The following CEP290 variants were observed in gnomAD, a reference collection of about 807,000 sequenced individuals.
The protein encoded by CEP290 is centrosomal protein of 290 kDa.
Under a neutral mutation model 344.9 loss-of-function variants are expected in CEP290, and 317 were observed. The ratio of observed to expected loss-of-function variants is 0.92; its 90% CI spans 0.84 to 1.01. CEP290 has a LOEUF of 1.01. Ranked by LOEUF, CEP290 falls within the 50% of genes least tolerant of loss-of-function variation. CEP290 has a pLI of 0.00. For synonymous variants in CEP290, 932 were observed against 895.8 expected, an observed-to-expected ratio of 1.04 and a Z score of -0.72; for missense variants, 2,754 against 2,761.4, an observed-to-expected ratio of 1.00 and a Z score of 0.06.
rs750784497 is a variant in CEP290 at position 88,049,156 on chromosome 12, TAAATG to T, written c.*23_*27del. The T allele has an allele frequency of 1.3e-5, 18 of 1,353,400 alleles. No homozygotes were observed. Among genetic ancestry groups the T allele is most frequent in the East Asian group, 4.6e-5 (2 of 43,060 alleles). The allele number at this position is 1,353,400 out of a possible 1,614,324, so 83.8% of individuals were successfully genotyped here. On this transcript the variant is annotated 3_prime_UTR_variant, in exon 54 of 54. Coordinates refer to ENST00000552810, the MANE Select transcript of CEP290 (RefSeq NM_025114.4). ...TTAACTTATAAAGTTAATAAATAGT[TAAATG>T]AAACAAAGTTTATAGGTGACCTTTA...
chr12:88,136,230 C>G (rs552679631), intron 6 of CEP290: 1 of 170,128 alleles, frequency 5.9e-6, no homozygotes, highest in Non-Finnish European at 1.2e-5. Context: ...TTGAATATAT[C>G]GAAAGATTCA....
rs2039105849 is a variant in CEP290 at position 88,117,166 on chromosome 12, A to C, written c.1712-21T>G. 3 of 1,172,732 alleles carry C rather than the reference A, an allele frequency of 2.6e-6. No homozygotes were observed. The East Asian group carries it at 7.9e-5, about 31-fold the overall frequency. The allele number at this position is 1,172,732 out of a possible 1,614,324, so 72.6% of individuals were successfully genotyped here. The stretch of plus-strand genomic sequence containing the variant: ...TAATCCTATATATAAGAGAATTAAC[A>C]AACTAAAAACATTAAAATAACCCTC... On this transcript the variant is annotated intron_variant, in intron 17 of 53. Coordinates refer to ENST00000552810, the MANE Select transcript of CEP290 (RefSeq NM_025114.4).
At position 88,109,176 on chromosome 12, in the gene CEP290, T is replaced by G. The variant is rs760126835; in HGVS notation, c.2373A>C (p.Leu791=). The G allele has an allele frequency of 1.8e-6, 2 of 1,122,204 alleles. No homozygotes were observed. The highest frequency in any genetic ancestry group is 6.4e-5 in the Admixed American group (2 of 31,454). 69.5% of individuals were successfully genotyped at this position (1,122,204 alleles called of 1,614,324 possible). A position where few individuals can be genotyped will look rare whatever the true frequency, so the allele number is the denominator to read the frequency against. ...NEYLIHLLQE[L]ENKEKKLKNL... is the part of the protein sequence containing the mutation. ...TCTTTAACTTTTTTTCTTTATTTTC[T>G]AGTTCCTGAAAAGTGGTTTAGAAAT... The change falls in exon 23 of 54, where the codon CTA becomes CTC. Residue 791 remains leucine (L), a synonymous_variant. Transcript: ENST00000552810.
intron 49 of CEP290, 106 bp downstream of exon 49, chr12:88,058,742 T>C (rs1173750441): frequency 1.9e-6 from 2 of 1,066,984 alleles, no homozygotes; most frequent in African/African-American, 3.2e-5. Flanking sequence ...CCAAACAAAC[T>C]GTTCATCAGG....
intron 17 of CEP290, among the ~76,000 whole-genome samples, chr12:88,118,249 CT>C (rs1210447299): frequency 6.6e-6 from 1 of 151,712 alleles, no homozygotes; most frequent in Non-Finnish European, 1.5e-5. Flanking sequence ...AGGTTTTTTT[CT>C]TTTTTGTTTG....
intron 5 of CEP290, among the ~76,000 whole-genome samples, chr12:88,138,208 A>C (rs1288598305): frequency 6.6e-6 from 1 of 151,694 alleles, no homozygotes; most frequent in Non-Finnish European, 1.5e-5. Context: ...TGCCCACCCA[A>C]CCCCAATCTT....
intron 48 of CEP290, 122 bp from the exon 49 acceptor site, chr12:88,059,142 A>G: frequency 2.6e-6 from 2 of 757,018 alleles, no homozygotes; most frequent in Non-Finnish European, 4.0e-6. Flanking sequence ...CTAAATGCTG[A>G]TTAAAATTTC....
intron 5 of CEP290, 25 bp downstream of exon 5, chr12:88,139,120 T>C (rs2040495210): frequency 2.6e-6 from 3 of 1,136,690 alleles, no homozygotes; most frequent in Admixed American, 2.1e-5. Flanking sequence ...GACAATTACA[T>C]CCTAGGGAAT....
Position 88,109,092 on chromosome 12 carries a change from T to A in CEP290, c.2457A>T (p.Gln819His). The change falls in exon 23 of 54, where the codon CAA (glutamine) becomes CAT (histidine). Residue 819 changes from glutamine to histidine, a missense_variant. By Grantham distance (24) the Gln-to-His change is conservative. Transcript: ENST00000552810. ...NRKFAVIRHQQSLLYKEYLSE... is the reference protein window; with the variant it reads ...NRKFAVIRHQHSLLYKEYLSE... ...TTAGGTATTCTTTATACAACAAACT[T>A]TGTTGATGACGAATTACAGCAAATT... is the stretch of plus-strand genomic sequence containing the variant. 7.0e-7 allele frequency: 1 copy of A among 1,424,318 alleles called. No individual in the cohort carries two copies. The highest frequency in any genetic ancestry group is 9.5e-7 in the Non-Finnish European group (1 of 1,057,880). 88.2% of individuals were successfully genotyped at this position (1,424,318 alleles called of 1,614,324 possible).
At chr12:88,131,969 T>A (rs2040100031) in intron 6 of CEP290, among the ~76,000 whole-genome samples, 1 of 152,184 alleles carries the variant, frequency 6.6e-6, no homozygotes, top group African/African-American at 2.4e-5. Flanking sequence ...CCGGCCTAGG[T>A]TTATGTCCCT....
At chr12:88,131,663 A>G (rs957615281) in intron 6 of CEP290, among the ~76,000 whole-genome samples, 4 of 152,194 alleles carry the variant, frequency 2.6e-5, no homozygotes, top group African/African-American at 9.6e-5. Context: ...TAAGGATTTA[A>G]TATCAACCTA....
At chr12:88,069,448 A>G (rs1047711538) in intron 43 of CEP290, among the ~76,000 whole-genome samples, 1 of 152,230 alleles carries the variant, frequency 6.6e-6, no homozygotes, top group Non-Finnish European at 1.5e-5. Flanking sequence ...TGATCCTTGT[A>G]AAACCTGCAA....
chr12:88,107,314 C>T (rs2038357153), intron 23 of CEP290, among the ~76,000 whole-genome samples: 1 of 151,992 alleles, frequency 6.6e-6, no homozygotes, highest in South Asian at 2.1e-4. Context: ...ACAAAGTTAT[C>T]AAATTATTTT....
At position 88,106,994 on chromosome 12, in the gene CEP290, A is replaced by C; in HGVS notation, c.2586+2T>G. 1 of 1,541,032 alleles carries C rather than the reference A, an allele frequency of 6.5e-7. No individual in the cohort carries two copies. The highest frequency in any genetic ancestry group is 8.8e-7 in the Non-Finnish European group (1 of 1,140,822). The stretch of plus-strand genomic sequence containing the variant: ...TACTAATGTTAAAAATGTTTTACTT[A>C]CATTATATTCTTTTACTTTTATAGC... On this transcript the variant is annotated splice_donor_variant, in intron 24 of 53. Coordinates refer to ENST00000552810, the MANE Select transcript of CEP290 (RefSeq NM_025114.4). LOFTEE classifies it high-confidence loss of function.
chr12:88,055,866 G>T, intron 49 of CEP290, 149 bp from the exon 50 acceptor site: 1 of 610,120 alleles, frequency 1.6e-6, no homozygotes, highest in Non-Finnish European at 2.7e-6. Flanking sequence ...TATTTATTTA[G>T]CATTAAAAAG....
At chr12:88,109,326 G>A in intron 22 of CEP290, 145 bp from the exon 23 acceptor site, 1 of 466,856 alleles carries the variant, frequency 2.1e-6, no homozygotes, top group Non-Finnish European at 3.8e-6. Context: ...ATTTTTCCAT[G>A]ATATTTTGAA....
intron 35 of CEP290, 54 bp downstream of exon 35, chr12:88,084,532 A>G: frequency 7.5e-7 from 1 of 1,335,748 alleles, no homozygotes; most frequent in South Asian, 1.3e-5. Context: ...AATATTTAGC[A>G]TTTGCTTAAA....
intron 45 of CEP290, 80 bp downstream of exon 45, chr12:88,063,901 A>T: frequency 8.3e-7 from 1 of 1,210,910 alleles, no homozygotes; most frequent in Admixed American, 2.8e-5. Context: ...TGACTTCTTA[A>T]TAAGCTAATA....
intron 9 of CEP290, 93 bp from the exon 10 acceptor site, chr12:88,129,969 C>T: frequency 1.2e-6 from 1 of 831,750 alleles, no homozygotes; most frequent in Non-Finnish European, 1.7e-6. Flanking sequence ...TAAGTGTCCT[C>T]TAGAAAAAAA....
Sources: allele counts gnomAD v4.1 joint callset (sites outside exome capture counted in the v4.1 genomes callset), GRCh38; gene constraint gnomAD v4.1.1; transcripts MANE v1.5; gene names NCBI Gene and HGNC (gene_info 2026-07-23, HGNC 2026-07-21).